Variants in TRAF3IP1 observed in about 807,000 individuals in gnomAD.
TRAF3IP1 encodes the protein intraflagellar transport 54.
In TRAF3IP1, 53 loss-of-function variants were observed where a neutral mutation model predicts 89.9. That is an observed-to-expected ratio of 0.59 (90% CI 0.47 to 0.74). The LOEUF is 0.74. TRAF3IP1 is among the 30% of genes least tolerant of loss of function. The pLI, the probability that TRAF3IP1 is intolerant of heterozygous loss-of-function variation, is 0.00. For missense variants in TRAF3IP1, 806 were observed against 866.1 expected (o/e 0.93, Z 0.87); for synonymous variants, 311 against 322.1 (o/e 0.97, Z 0.37).
chr2:238,359,439 T>C (rs974356675), intron 15 of TRAF3IP1, among the ~76,000 whole-genome samples: 4 of 152,214 alleles, frequency 2.6e-5, no homozygotes, highest in Middle Eastern at 3.4e-3. Flanking sequence ...CCTAGAATTG[T>C]GTTTAAATGG....
intron 11 of TRAF3IP1, 122 bp from the exon 12 acceptor site, chr2:238,349,203 C>CTAACCAGCACATTGATTA: frequency 1.1e-6 from 1 of 937,716 alleles, no homozygotes; most frequent in South Asian, 1.5e-5. Context: ...GTAGCGTGTC[C>CTAACCAGCACATTGATTA]TAACCAGCAC....
intron 15 of TRAF3IP1, among the ~76,000 whole-genome samples, chr2:238,391,743 T>G (rs569907066): frequency 1.8e-4 from 28 of 152,294 alleles, no homozygotes; most frequent in African/African-American, 5.8e-4. Context: ...ACATTGTAAC[T>G]CTCCAATTTT....
At chr2:238,395,183 TAGTG>T (rs1211235498) in intron 15 of TRAF3IP1, among the ~76,000 whole-genome samples, 2 of 151,902 alleles carry the variant, frequency 1.3e-5, no homozygotes, top group Non-Finnish European at 2.9e-5. Flanking sequence ...CTGGGCAACA[TAGTG>T]AGACCCTGGC....
chr2:238,393,873 A>C (rs775220569), intron 15 of TRAF3IP1, among the ~76,000 whole-genome samples: 57 of 152,196 alleles, frequency 3.7e-4, no homozygotes, highest in Admixed American at 6.5e-4. Context: ...TCCCTCTGTC[A>C]ATACTGCACT....
At chr2:238,370,396 A>G (rs368211558) in intron 15 of TRAF3IP1, among the ~76,000 whole-genome samples, 6 of 152,172 alleles carry the variant, frequency 3.9e-5, no homozygotes, top group South Asian at 4.1e-4. Flanking sequence ...GCATGTGTAC[A>G]TGTGTATATA....
intron 1 of TRAF3IP1, among the ~76,000 whole-genome samples, chr2:238,322,132 C>T (rs1273494556): frequency 1.3e-5 from 2 of 152,070 alleles, no homozygotes; most frequent in African/African-American, 4.8e-5. Flanking sequence ...GACAATGTGC[C>T]GCATCACCAC....
intron 9 of TRAF3IP1, 41 bp from the exon 10 acceptor site, chr2:238,347,414 G>GA: frequency 6.2e-7 from 1 of 1,612,050 alleles, no homozygotes; most frequent in Non-Finnish European, 8.5e-7. Context: ...TATTGAGGTT[G>GA]ACTACACGAA....
chr2:238,394,263 G>T (rs1192943459), intron 15 of TRAF3IP1, among the ~76,000 whole-genome samples: 2 of 152,172 alleles, frequency 1.3e-5, no homozygotes, highest in Admixed American at 6.5e-5. Flanking sequence ...AAATGTTTTA[G>T]CTATTGTAGT....
chr2:238,333,298 C>T (rs926287949), intron 6 of TRAF3IP1, among the ~76,000 whole-genome samples: 2 of 152,142 alleles, frequency 1.3e-5, no homozygotes, highest in Admixed American at 6.5e-5. Context: ...TTCAGGACTC[C>T]GCGATGCATT....
intron 3 of TRAF3IP1, among the ~76,000 whole-genome samples, chr2:238,328,160 A>T (rs1309293252): frequency 2.6e-5 from 4 of 152,208 alleles, no homozygotes; most frequent in Non-Finnish European, 4.4e-5. Flanking sequence ...AGGAGCTGTT[A>T]TACTATTTTC....
chr2:238,326,255 G>T (rs4663876), intron 3 of TRAF3IP1, among the ~76,000 whole-genome samples: 4,097 of 152,318 alleles, frequency 0.027, 112 homozygotes, highest in South Asian at 0.065. Context: ...GCTGGAGGCT[G>T]GAGGCTGCAG....
intron 15 of TRAF3IP1, among the ~76,000 whole-genome samples, chr2:238,366,981 G>A (rs1001988188): frequency 3.3e-5 from 5 of 151,764 alleles, no homozygotes; most frequent in African/African-American, 1.2e-4. Flanking sequence ...GGCTAACAAG[G>A]TGAAACCCCA....
Position 238,400,053 on chromosome 2 carries a change from G to C in TRAF3IP1, c.*1134G>C, listed in dbSNP as rs1367741921. The C allele has an allele frequency of 6.6e-6, 1 of 150,886 alleles. No homozygotes were observed. Among genetic ancestry groups the C allele is most frequent in the Non-Finnish European group, 1.5e-5 (1 of 67,848 alleles). 9.3% of individuals were successfully genotyped at this position (150,886 alleles called of 1,614,324 possible). On this transcript the variant is annotated 3_prime_UTR_variant, in exon 17 of 17. Transcript: ENST00000373327. ...GTATTTATTATGTAAACTGAGGAGTGCCATTTAAAGTGTGAGGATTGCCTG... is the reference window on the plus strand; with the variant it reads ...GTATTTATTATGTAAACTGAGGAGTCCCATTTAAAGTGTGAGGATTGCCTG...
intron 6 of TRAF3IP1, 82 bp from the exon 7 acceptor site, chr2:238,333,878 A>G (rs778142328): frequency 8.5e-6 from 10 of 1,181,568 alleles, no homozygotes; most frequent in Non-Finnish European, 1.2e-5. Flanking sequence ...TTCTTCCTCA[A>G]GAAGAGCTTG....
At chr2:238,372,402 T>C (rs910317900) in intron 15 of TRAF3IP1, among the ~76,000 whole-genome samples, 1 of 152,216 alleles carries the variant, frequency 6.6e-6, no homozygotes, top group Admixed American at 6.5e-5. Context: ...GTCCTTGTGA[T>C]AGTTTGCTTA....
intron 5 of TRAF3IP1, among the ~76,000 whole-genome samples, chr2:238,332,417 C>T (rs1357708454): frequency 6.6e-6 from 1 of 152,206 alleles, no homozygotes; most frequent in African/African-American, 2.4e-5. Context: ...CTGTGATCAG[C>T]AGAGGCGGCT....
intron 1 of TRAF3IP1, among the ~76,000 whole-genome samples, chr2:238,324,901 C>T (rs895275674): frequency 6.6e-6 from 1 of 152,184 alleles, no homozygotes; most frequent in Non-Finnish European, 1.5e-5. Flanking sequence ...CACACCCAGC[C>T]GTGTGGACTT....
At chr2:238,383,349 A>C (rs1700627606) in intron 15 of TRAF3IP1, among the ~76,000 whole-genome samples, 1 of 152,186 alleles carries the variant, frequency 6.6e-6, no homozygotes, top group Non-Finnish European at 1.5e-5. Flanking sequence ...GGTGCTCAGT[A>C]AGTGCTGTGA....
At chr2:238,347,229 C>T (rs551097073) in intron 9 of TRAF3IP1, 186 of 546,164 alleles carry the variant, frequency 3.4e-4, no homozygotes, top group African/African-American at 3.0e-3. Flanking sequence ...CTATTTAGTA[C>T]CATTTTATGA....
Sources: gnomAD v4.1 joint callset for allele counts (sites outside exome capture counted in the v4.1 genomes callset) on GRCh38, gnomAD v4.1.1 for gene constraint, MANE v1.5 for transcripts, NCBI Gene and HGNC (gene_info 2026-07-23, HGNC 2026-07-21) for gene names.